The following MPI variants were observed in gnomAD, a reference collection of about 807,000 sequenced individuals.
MPI encodes mannose phosphate isomerase.
A neutral mutation model predicts 40.1 loss-of-function variants in MPI; 33 were observed. The observed-to-expected ratio is 0.82, with a 90% CI of 0.62 to 1.10. MPI has a LOEUF of 1.10. MPI is among the 50% of genes least tolerant of loss of function. The probability of loss-of-function intolerance (pLI) is 0.00; values close to 1 mark genes in which losing one functional copy is unlikely to be tolerated. For missense variants in MPI, 514 were observed against 524.1 expected, an observed-to-expected ratio of 0.98 and a Z score of 0.19; for synonymous variants, 187 against 207.4, an observed-to-expected ratio of 0.90 and a Z score of 0.85.
chr15:74,895,824 A>G, intron 5 of MPI: 1 of 368,338 alleles, frequency 2.7e-6, no homozygotes, highest in Non-Finnish European at 5.2e-6. Flanking sequence ...CAGCCCCCAC[A>G]ATAAAGAATT....
At chr15:74,895,051 C>T (rs532115538) in intron 5 of MPI, among the ~76,000 whole-genome samples, 14 of 150,606 alleles carry the variant, frequency 9.3e-5, no homozygotes, top group African/African-American at 2.7e-4. Context: ...CTGCAACCTC[C>T]GCCTCCCGGG....
rs1434830217 is a variant in MPI at position 74,899,632 on chromosome 15, C to T, written c.*1902C>T. On this transcript the variant is annotated 3_prime_UTR_variant, in exon 8 of 8. Transcript: ENST00000352410. ...TTCAGGATATCCAGGATATTCTTAA[C>T]TTTTATTTTTTTGAGACGGAGTCTC... 6.6e-6 allele frequency: 1 copy of T among 152,146 alleles called. No homozygotes were observed. Among genetic ancestry groups the T allele is most frequent in the Non-Finnish European group, 1.5e-5 (1 of 68,040 alleles). The allele number at this position is 152,146 out of a possible 1,614,324, so 9.4% of individuals were successfully genotyped here.
Position 74,897,446 on chromosome 15 carries a change from C to A in MPI, c.1054-66C>A, listed in dbSNP as rs2064837759. 7 of 1,532,114 alleles carry A rather than the reference C, an allele frequency of 4.6e-6. No homozygotes were observed. The East Asian group carries it at 1.6e-4, about 35-fold the overall frequency. The allele number at this position is 1,532,114 out of a possible 1,614,324, so 94.9% of individuals were successfully genotyped here. On this transcript the variant is annotated intron_variant, in intron 7 of 7. Coordinates refer to ENST00000352410, the MANE Select transcript of MPI (RefSeq NM_002435.3). ...CTCTCCCTCGTGCCCTGGGGACTGT[C>A]CTGGGCCCATGAGCTGATGAGAGCA...
At chr15:74,892,573 T>C (rs1163231452) in intron 3 of MPI, 88 bp from the exon 4 acceptor site, 10 of 1,573,136 alleles carry the variant, frequency 6.4e-6, no homozygotes, top group African/African-American at 1.3e-5. Context: ...CTGGGGAGGG[T>C]GGACAGCAGG....
rs988733839 is a variant in MPI, at chr15:74,901,990, A to T, written c.*4260A>T. 1.0e-5 allele frequency: 4 copies of T among 397,306 alleles called. No individual in the cohort carries two copies. The highest frequency in any genetic ancestry group is 1.3e-5 in the Non-Finnish European group (3 of 225,676). The allele number at this position is 397,306 out of a possible 1,614,324, so 24.6% of individuals were successfully genotyped here. A position where few individuals can be genotyped will look rare whatever the true frequency, so the allele number is the denominator to read the frequency against. The stretch of plus-strand genomic sequence containing the variant: ...AGTTGGGGATGCCCCAGGTCCAGGG[A>T]TTCTGGAAGCCAGGATCCTGCTGTA... On this transcript the variant is annotated 3_prime_UTR_variant, in exon 8 of 8. Transcript: ENST00000352410.
chr15:74,893,771 G>T, intron 5 of MPI: 1 of 342,042 alleles, frequency 2.9e-6, no homozygotes, highest in Non-Finnish European at 5.5e-6. Flanking sequence ...GTGCTAAGAA[G>T]AGTTCAGGAA....
chr15:74,890,384 G>A, intron 1 of MPI, 143 bp from the exon 2 acceptor site: 1 of 1,082,418 alleles, frequency 9.2e-7, no homozygotes, highest in Non-Finnish European at 1.4e-6. Flanking sequence ...GGCCTGCAGC[G>A]GAGGGGGGTC....
chr15:74,901,784 A>T lies in MPI; in HGVS notation c.*4054A>T, dbSNP rs2141225448. 3.9e-6 allele frequency: 1 copy of T among 254,818 alleles called. No homozygotes were observed. The highest frequency in any genetic ancestry group is 1.7e-4 in the South Asian group (1 of 5,754). 15.8% of individuals were successfully genotyped at this position (254,818 alleles called of 1,614,324 possible). A position where few individuals can be genotyped will look rare whatever the true frequency, so the allele number is the denominator to read the frequency against. ...GCTCCCTCTGCTGGTAATAATAAAA[A>T]CTGCAGGCTTCTGGGGCCAGCCCCA... On this transcript the variant is annotated 3_prime_UTR_variant, in exon 8 of 8. Coordinates refer to ENST00000352410, the MANE Select transcript of MPI (RefSeq NM_002435.3).
intron 5 of MPI, among the ~76,000 whole-genome samples, chr15:74,895,129 C>CTTTT (rs71140110): frequency 1.8e-5 from 2 of 110,582 alleles, no homozygotes; most frequent in African/African-American, 3.4e-5. Flanking sequence ...CCACACCTGG[C>CTTTT]TTTTTTTTTT....
At chr15:74,895,831 A>G (rs946082867) in intron 5 of MPI, 11 of 383,608 alleles carry the variant, frequency 2.9e-5, no homozygotes, top group Non-Finnish European at 4.4e-5. Flanking sequence ...CACAATAAAG[A>G]ATTACCTAGC....
chr15:74,891,246 T>A, intron 2 of MPI, 133 bp from the exon 3 acceptor site: 1 of 819,118 alleles, frequency 1.2e-6, no homozygotes, highest in South Asian at 1.4e-5. Context: ...CATGAACATT[T>A]GTATCCAGAC....
chr15:74,892,770 G>A lies in MPI; in HGVS notation c.455G>A (p.Arg152Gln), dbSNP rs766458792. ...CCCTTCCAGGGCTTGTGTGGCTTCC[G>A]GCCAGTTGAGGAGATTGTAACCTTT... ...LTPFQGLCGF[R>Q]PVEEIVTFLK... Residue 152 changes from arginine (R) to glutamine (Q), a missense_variant, in exon 4 of 8, where the codon CGG becomes CAG. Arg to Gln is a conservative substitution (Grantham distance 43). Coordinates refer to ENST00000352410, the MANE Select transcript of MPI (RefSeq NM_002435.3). 1.2e-5 allele frequency: 20 copies of A among 1,614,144 alleles called. No individual in the cohort carries two copies. Among genetic ancestry groups the A allele is most frequent in the Non-Finnish European group, 1.5e-5 (18 of 1,180,054 alleles).
chr15:74,897,697 C>A lies in MPI; in HGVS notation c.1239C>A (p.Asp413Glu). Reference sequence around the variant, plus strand: ...CACTGAAGCTTACTGAGCCGAAGGACCTGCTGATATTCCGTGCCTGCTGTC... The same window carrying A: ...CACTGAAGCTTACTGAGCCGAAGGAACTGCTGATATTCCGTGCCTGCTGTC... ...SVSLKLTEPKDLLIFRACCLL is the reference protein window; with the variant it reads ...SVSLKLTEPKELLIFRACCLL The change falls in exon 8 of 8, where the codon GAC (aspartate) becomes GAA (glutamate). Residue 413 changes from aspartate to glutamate, a missense_variant. Asp to Glu is a conservative substitution (Grantham distance 45, BLOSUM62 2). Coordinates refer to ENST00000352410, the MANE Select transcript of MPI (RefSeq NM_002435.3). The A allele has an allele frequency of 6.2e-7, 1 of 1,614,172 alleles. No homozygotes were observed. The highest frequency in any genetic ancestry group is 1.1e-5 in the South Asian group (1 of 91,082).
At chr15:74,897,467 G>A (rs772002442) in intron 7 of MPI, 45 bp from the exon 8 acceptor site, 46 of 1,586,936 alleles carry the variant, frequency 2.9e-5, no homozygotes, top group Non-Finnish European at 3.9e-5. Flanking sequence ...GAGCTGATGA[G>A]AGCAGAGTCT....
intron 1 of MPI, 83 bp from the exon 2 acceptor site, chr15:74,890,444 C>T: frequency 6.3e-7 from 1 of 1,585,084 alleles, no homozygotes; most frequent in Non-Finnish European, 8.6e-7. Flanking sequence ...CCAGTGAGCA[C>T]CCCCAGCTCT....
rs968382527 is a variant in MPI, at chr15:74,901,079, G to A, written c.*3349G>A. 1 of 152,172 alleles carries A rather than the reference G, an allele frequency of 6.6e-6. No individual in the cohort carries two copies. The highest frequency in any genetic ancestry group is 1.5e-5 in the Non-Finnish European group (1 of 68,034). The allele number at this position is 152,172 out of a possible 1,614,324, so 9.4% of individuals were successfully genotyped here. On this transcript the variant is annotated 3_prime_UTR_variant, in exon 8 of 8. Coordinates refer to ENST00000352410, the MANE Select transcript of MPI (RefSeq NM_002435.3). ...TGGTGGTCACAGGACACTGAGTAAA[G>A]CAAGAGACTGGATACTTTCCCATGT...
Position 74,890,448 on chromosome 15 carries a change from C to T in MPI, c.17-79C>T, listed in dbSNP as rs780873387. The T allele has an allele frequency of 5.6e-6, 9 of 1,596,824 alleles. No homozygotes were observed. In the South Asian group the frequency reaches 7.7e-5, roughly 14 times the overall value. The stretch of plus-strand genomic sequence containing the variant: ...TGACTCTGTCCCCAGTGAGCACCCC[C>T]AGCTCTTGCCTGGTTTCCCGGGACA... On this transcript the variant is annotated intron_variant, in intron 1 of 7. Transcript: ENST00000352410.
chr15:74,892,949 C>A, intron 4 of MPI, 147 bp downstream of exon 4: 2 of 1,361,080 alleles, frequency 1.5e-6, no homozygotes, highest in Non-Finnish European at 2.1e-6. Context: ...GTGAGCCAGG[C>A]CAGTGAGACC....
chr15:74,896,780 G>T (rs1462929238), intron 6 of MPI: 3 of 636,750 alleles, frequency 4.7e-6, no homozygotes, highest in Non-Finnish European at 8.5e-6. Flanking sequence ...AGACTACAGA[G>T]TTGGGGCTCC....
Sources: gnomAD v4.1 joint callset for allele counts (sites outside exome capture counted in the v4.1 genomes callset) on GRCh38, gnomAD v4.1.1 for gene constraint, MANE v1.5 for transcripts, NCBI Gene and HGNC (gene_info 2026-07-23, HGNC 2026-07-21) for gene names.